Variants in EIF3H observed in about 807,000 individuals in gnomAD.
The protein encoded by EIF3H is eIF-3-gamma.
In EIF3H, 26 loss-of-function variants were observed where a neutral mutation model predicts 44.2. The observed-to-expected ratio is 0.59, with a 90% CI of 0.43 to 0.82. EIF3H has a LOEUF of 0.82. Among genes scored for constraint, EIF3H ranks in the 40% least tolerant of loss-of-function variants. The pLI is 0.00. For synonymous variants in EIF3H, 166 were observed against 151.9 expected (o/e 1.09, Z -0.68); for missense variants, 359 against 432.8 (o/e 0.83, Z 1.51).
At chr8:116,738,771 C>T (rs1563658315) in intron 1 of EIF3H, among the ~76,000 whole-genome samples, 1 of 152,176 alleles carries the variant, frequency 6.6e-6, no homozygotes, top group Non-Finnish European at 1.5e-5. Flanking sequence ...CTTTATAAAG[C>T]TGAGCTACGG....
rs1419166465 is a variant in EIF3H, at chr8:116,645,107, T to C, written c.962-4A>G. ...TGGCAGTAAGTGTTTATCTGGCCTG[T>C]GCATTTGAGAAAGAGATAGAGCCAT... On this transcript the variant is annotated splice_region_variant and splice_polypyrimidine_tract_variant and intron_variant, in intron 7 of 7. Transcript: ENST00000521861. 4 of 1,611,894 alleles carry C rather than the reference T, an allele frequency of 2.5e-6. No homozygotes were observed. Among genetic ancestry groups the C allele is most frequent in the African/African-American group, 1.3e-5 (1 of 74,972 alleles).
chr8:116,649,374 T>C (rs1813354227), intron 5 of EIF3H, among the ~76,000 whole-genome samples: 1 of 152,226 alleles, frequency 6.6e-6, no homozygotes, highest in African/African-American at 2.4e-5. Flanking sequence ...AGGTTTTAAA[T>C]GAACAATGGT....
chr8:116,718,112 CAT>C (rs1218689543), intron 2 of EIF3H, among the ~76,000 whole-genome samples: 2 of 151,832 alleles, frequency 1.3e-5, no homozygotes, highest in Non-Finnish European at 2.9e-5. Flanking sequence ...GGCCAACAAA[CAT>C]ATGAAAAAAT....
intron 1 of EIF3H, among the ~76,000 whole-genome samples, chr8:116,748,289 G>A (rs1032095914): frequency 6.6e-6 from 1 of 152,096 alleles, no homozygotes; most frequent in African/African-American, 2.4e-5. Context: ...GCTGTTGTGA[G>A]GATCACAACA....
intron 1 of EIF3H, among the ~76,000 whole-genome samples, chr8:116,764,192 A>G (rs971771869): frequency 2.0e-5 from 3 of 152,248 alleles, no homozygotes; most frequent in Non-Finnish European, 4.4e-5. Flanking sequence ...GCTAAAAACT[A>G]GCAATGCTGT....
intron 1 of EIF3H, among the ~76,000 whole-genome samples, chr8:116,749,533 C>A (rs1815293268): frequency 6.6e-6 from 1 of 152,138 alleles, no homozygotes; most frequent in African/African-American, 2.4e-5. Context: ...TTCTAGGGAA[C>A]AAAGTGGGTT....
rs933522914 is a variant in EIF3H, at chr8:116,683,540, G to C, written c.290-24560C>G. 5.3e-5 allele frequency among the ~76,000 whole-genome samples: 8 copies of C among 152,122 alleles called. No homozygotes were observed. In the East Asian group the frequency reaches 9.6e-4, roughly 18 times the overall value. On this transcript the variant is annotated intron_variant, in intron 2 of 7. Coordinates refer to ENST00000521861, the MANE Select transcript of EIF3H (RefSeq NM_003756.3). ...TCACACTGAGGGTTAGAAATTTGAC[G>C]TAAGAATTTTAGAGGAATGTTAGAC... is the stretch of plus-strand genomic sequence containing the variant.
chr8:116,673,498 A>G (rs1452325870), intron 2 of EIF3H, among the ~76,000 whole-genome samples: 3 of 152,178 alleles, frequency 2.0e-5, no homozygotes, highest in African/African-American at 7.2e-5. Flanking sequence ...CCAGTATGAT[A>G]ACCTAAATGT....
chr8:116,733,260 G>T lies in EIF3H; in HGVS notation c.133-7088C>A, dbSNP rs540626274. 1.2e-4 allele frequency among the ~76,000 whole-genome samples: 18 copies of T among 152,332 alleles called. No individual in the cohort carries two copies. In the South Asian group the frequency reaches 3.5e-3, roughly 30 times the overall value. The stretch of plus-strand genomic sequence containing the variant: ...GCTTCTCTGGGCCTGCATCCTCCCA[G>T]CTCCTCCAAGTGTTTGGAAACCCAA... On this transcript the variant is annotated intron_variant, in intron 1 of 7. Coordinates refer to ENST00000521861, the MANE Select transcript of EIF3H (RefSeq NM_003756.3).
intron 2 of EIF3H, among the ~76,000 whole-genome samples, chr8:116,724,464 T>C (rs1346469319): frequency 1.3e-5 from 2 of 151,960 alleles, no homozygotes; most frequent in African/African-American, 2.4e-5. Flanking sequence ...GTATATCAAA[T>C]GTAAAAACTC....
chr8:116,739,134 G>A (rs1047572620), intron 1 of EIF3H, among the ~76,000 whole-genome samples: 6 of 152,112 alleles, frequency 3.9e-5, no homozygotes, highest in African/African-American at 9.7e-5. Context: ...GCAGAAAACC[G>A]CTTAAAGGTG....
chr8:116,701,655 C>G (rs1007108036), intron 2 of EIF3H, among the ~76,000 whole-genome samples: 5 of 152,120 alleles, frequency 3.3e-5, no homozygotes, highest in Non-Finnish European at 7.4e-5. Flanking sequence ...TTCCCCAAAT[C>G]ATGGGGATTA....
intron 2 of EIF3H, among the ~76,000 whole-genome samples, chr8:116,694,361 G>A (rs1163118625): frequency 6.6e-6 from 1 of 152,104 alleles, no homozygotes; most frequent in Non-Finnish European, 1.5e-5. Flanking sequence ...GAATAAGGTT[G>A]GGCATCATTT....
chr8:116,676,952 TAA>T (rs11292299), intron 2 of EIF3H, among the ~76,000 whole-genome samples: 8 of 147,568 alleles, frequency 5.4e-5, no homozygotes, highest in East Asian at 2.0e-4. Context: ...TGCTTTAAAA[TAA>T]AAAAAAAAAA....
intron 1 of EIF3H, among the ~76,000 whole-genome samples, chr8:116,743,393 G>A (rs1457429095): frequency 2.6e-5 from 4 of 152,126 alleles, no homozygotes; most frequent in Non-Finnish European, 5.9e-5. Context: ...GGAAGCTGTG[G>A]TGAGCCATGA....
At chr8:116,759,387 A>G (rs1815491906), upstream of EIF3H, among the ~76,000 whole-genome samples, 1 of 152,206 alleles carries the variant, frequency 6.6e-6, no homozygotes, top group Non-Finnish European at 1.5e-5. Context: ...TAAAAAATAA[A>G]CAGTCTAACT....
chr8:116,673,306 A>G (rs374985831), intron 2 of EIF3H, among the ~76,000 whole-genome samples: 20 of 152,314 alleles, frequency 1.3e-4, no homozygotes, highest in East Asian at 7.7e-4. Context: ...GAAACACACT[A>G]TATCTAAAAA....
chr8:116,645,648 G>C (rs75257159), intron 7 of EIF3H, among the ~76,000 whole-genome samples: 123 of 152,318 alleles, frequency 8.1e-4, no homozygotes, highest in African/African-American at 2.7e-3. Flanking sequence ...CCATGCAACA[G>C]TTACATCAGT....
chr8:116,674,976 A>T (rs917587419), intron 2 of EIF3H, among the ~76,000 whole-genome samples: 3 of 152,222 alleles, frequency 2.0e-5, no homozygotes, highest in Non-Finnish European at 4.4e-5. Flanking sequence ...GCTACTTTGA[A>T]CACTGCTCCT....
Sources: allele counts gnomAD v4.1 joint callset (sites outside exome capture counted in the v4.1 genomes callset), GRCh38; gene constraint gnomAD v4.1.1; transcripts MANE v1.5; gene names NCBI Gene and HGNC (gene_info 2026-07-23, HGNC 2026-07-21).